Variants in RAB3C observed in about 807,000 individuals in gnomAD.
The protein encoded by RAB3C is ras-related protein Rab-3C.
A neutral mutation model predicts 26.4 loss-of-function variants in RAB3C; 17 were observed. The ratio of observed to expected loss-of-function variants is 0.64; its 90% CI spans 0.44 to 0.97. RAB3C has a LOEUF of 0.97. RAB3C is among the 50% of genes least tolerant of loss of function. The pLI is 0.00. For missense variants in RAB3C, 242 were observed against 281.9 expected, an observed-to-expected ratio of 0.86 and a Z score of 1.01; for synonymous variants, 91 against 95.9, an observed-to-expected ratio of 0.95 and a Z score of 0.30.
chr5:58,638,990 G>A (rs970204258), intron 2 of RAB3C, among the ~76,000 whole-genome samples: 1 of 99,868 alleles, frequency 1.0e-5, no homozygotes, highest in Non-Finnish European at 2.3e-5. Flanking sequence ...TGATGGCACA[G>A]CTCCCTAGAT....
At chr5:58,611,632 A>G (rs1746702927) in intron 1 of RAB3C, among the ~76,000 whole-genome samples, 1 of 151,958 alleles carries the variant, frequency 6.6e-6, no homozygotes, top group Non-Finnish European at 1.5e-5. Context: ...AGTATATTAG[A>G]CATTTGTTAG....
intron 2 of RAB3C, among the ~76,000 whole-genome samples, chr5:58,719,500 C>G (rs1295811754): frequency 6.6e-6 from 1 of 151,874 alleles, no homozygotes; most frequent in Non-Finnish European, 1.5e-5. Context: ...ATGAAGATTG[C>G]AAAGTGGGGT....
intron 1 of RAB3C, among the ~76,000 whole-genome samples, chr5:58,589,599 A>C (rs551343909): frequency 5.2e-4 from 79 of 152,312 alleles, no homozygotes; most frequent in Non-Finnish European, 9.1e-4. Context: ...TTGATATACT[A>C]ATATCTCTAT....
chr5:58,789,312 A>G (rs1482396960), intron 3 of RAB3C, among the ~76,000 whole-genome samples: 3 of 152,126 alleles, frequency 2.0e-5, no homozygotes, highest in Non-Finnish European at 4.4e-5. Context: ...CTTGAGATAT[A>G]GTGCGTATAT....
At chr5:58,623,713 G>A (rs1164859056) in intron 2 of RAB3C, among the ~76,000 whole-genome samples, 1 of 152,182 alleles carries the variant, frequency 6.6e-6, no homozygotes, top group Non-Finnish European at 1.5e-5. Context: ...CATTGTTCCT[G>A]GCTTAATAGA....
chr5:58,648,225 GC>G (rs1747568974), intron 2 of RAB3C, among the ~76,000 whole-genome samples: 1 of 152,112 alleles, frequency 6.6e-6, no homozygotes, highest in South Asian at 2.1e-4. Flanking sequence ...CTCCCTAATT[GC>G]GTTTTAATTT....
Position 58,787,368 on chromosome 5 carries a change from G to A in RAB3C, c.372-37670G>A, listed in dbSNP as rs139293074. On this transcript the variant is annotated intron_variant, in intron 3 of 4. Coordinates refer to ENST00000282878, the MANE Select transcript of RAB3C (RefSeq NM_138453.4). The stretch of plus-strand genomic sequence containing the variant: ...AAATCCAGTTTTATTAAGAGATTGA[G>A]ACTCAAGAAATCTCTTGAGAAGAAC... Among the ~76,000 whole-genome samples the A allele has an allele frequency of 2.0e-5, 3 of 152,292 alleles. No individual in the cohort carries two copies. The East Asian group carries it at 5.8e-4, about 29-fold the overall frequency.
intron 1 of RAB3C, among the ~76,000 whole-genome samples, chr5:58,601,491 G>T (rs571074700): frequency 6.6e-6 from 1 of 152,144 alleles, no homozygotes; most frequent in South Asian, 2.1e-4. Flanking sequence ...TTTTATGTTG[G>T]TAATTTTTTA....
At chr5:58,827,326 T>C (rs1743505363) in intron 4 of RAB3C, among the ~76,000 whole-genome samples, 1 of 152,206 alleles carries the variant, frequency 6.6e-6, no homozygotes, top group African/African-American at 2.4e-5. Flanking sequence ...AAGAAACTGC[T>C]ACACAGATGT....
chr5:58,618,686 C>T (rs747555162), intron 2 of RAB3C, among the ~76,000 whole-genome samples: 1 of 152,026 alleles, frequency 6.6e-6, no homozygotes, highest in African/African-American at 2.4e-5. Context: ...AATTGTTACA[C>T]CAAAAAAGAC....
chr5:58,706,033 T>C (rs957378101), intron 2 of RAB3C, among the ~76,000 whole-genome samples: 3 of 152,182 alleles, frequency 2.0e-5, no homozygotes, highest in Admixed American at 2.0e-4. Context: ...TTTCTGATGG[T>C]TTGAAAGTTA....
intron 3 of RAB3C, among the ~76,000 whole-genome samples, chr5:58,771,838 T>A (rs1010702097): frequency 6.6e-6 from 1 of 150,410 alleles, no homozygotes; most frequent in Non-Finnish European, 1.5e-5. Flanking sequence ...TTCTTTTTTC[T>A]TTTTCTTTTT....
Position 58,726,039 on chromosome 5 carries a change from C to T in RAB3C, c.290C>T (p.Thr97Ile). ...CAGGAAAGATACAGGACTATCACCACAGCCTATTATCGTGGAGCCATGGGC... is the reference window on the plus strand; with the variant it reads ...CAGGAAAGATACAGGACTATCACCATAGCCTATTATCGTGGAGCCATGGGC... ...AGQERYRTIT[T>I]AYYRGAMGFI... is the part of the protein sequence containing the mutation. Residue 97 changes from threonine to isoleucine, a missense_variant, in exon 3 of 5, where the codon ACA becomes ATA. Physicochemically the swap from Thr to Ile is moderately conservative, Grantham distance 89 (BLOSUM62 -1). Coordinates refer to ENST00000282878, the MANE Select transcript of RAB3C (RefSeq NM_138453.4). 1 of 1,606,436 alleles carries T rather than the reference C, an allele frequency of 6.2e-7. No individual in the cohort carries two copies. Among genetic ancestry groups the T allele is most frequent in the Admixed American group, 1.7e-5 (1 of 59,214 alleles).
At chr5:58,590,120 G>T (rs2111655247) in intron 1 of RAB3C, among the ~76,000 whole-genome samples, 1 of 152,300 alleles carries the variant, frequency 6.6e-6, no homozygotes, top group East Asian at 1.9e-4. Context: ...CAATAAGTGG[G>T]TGTGGTTTTA....
intron 2 of RAB3C, among the ~76,000 whole-genome samples, chr5:58,644,745 T>G (rs1405761808): frequency 6.6e-6 from 1 of 152,210 alleles, no homozygotes; most frequent in Non-Finnish European, 1.5e-5. Flanking sequence ...TAAAAATTAT[T>G]TAAAATATTT....
chr5:58,848,644 CAA>C (rs1161048814), intron 4 of RAB3C: 1 of 152,144 alleles, frequency 6.6e-6, no homozygotes, highest in East Asian at 1.9e-4. Flanking sequence ...AATCATTCAA[CAA>C]ATGTTAGTTT....
chr5:58,702,469 G>C (rs1210383703), intron 2 of RAB3C, among the ~76,000 whole-genome samples: 1 of 152,108 alleles, frequency 6.6e-6, no homozygotes, highest in Non-Finnish European at 1.5e-5. Context: ...TCTTTAGAAA[G>C]ACTCCATTGA....
intron 3 of RAB3C, among the ~76,000 whole-genome samples, chr5:58,736,491 C>T (rs1741138901): frequency 6.6e-6 from 1 of 152,262 alleles, no homozygotes; most frequent in African/African-American, 2.4e-5. Flanking sequence ...GCAGCCCGCT[C>T]TGCCTCAGAG....
intron 2 of RAB3C, among the ~76,000 whole-genome samples, chr5:58,701,341 C>T (rs371132162): frequency 1.5e-3 from 229 of 152,230 alleles, no homozygotes; most frequent in Admixed American, 3.1e-3. Context: ...TGTTATTCTT[C>T]AGGTGTTATC....
Sources: gnomAD v4.1 joint callset for allele counts (sites outside exome capture counted in the v4.1 genomes callset) on GRCh38, gnomAD v4.1.1 for gene constraint, MANE v1.5 for transcripts, NCBI Gene and HGNC (gene_info 2026-07-23, HGNC 2026-07-21) for gene names.